The following CSMD1 variants were observed in gnomAD, a reference collection of about 807,000 sequenced individuals.
The protein encoded by CSMD1 is CUB and Sushi multiple domains 1.
A neutral mutation model predicts 417.5 loss-of-function variants in CSMD1; 213 were observed. The observed-to-expected ratio is 0.51, with a 90% CI of 0.46 to 0.57. The LOEUF (loss-of-function observed/expected upper bound fraction) is 0.57, where lower values mean the gene tolerates loss of function less well. Ranked by LOEUF, CSMD1 falls within the 20% of genes least tolerant of loss-of-function variation. The pLI, the probability that CSMD1 is intolerant of heterozygous loss-of-function variation, is 0.00. For synonymous variants in CSMD1, 2,862 were observed against 1,736.8 expected (o/e 1.65, Z -16.11); for missense variants, 6,923 against 4,529.7 (o/e 1.53, Z -15.17).
At chr8:3,904,189 C>G (rs1336580611) in intron 5 of CSMD1, among the ~76,000 whole-genome samples, 2 of 152,092 alleles carry the variant, frequency 1.3e-5, no homozygotes, top group Non-Finnish European at 2.9e-5. Context: ...GGAGAACCGG[C>G]CTGTGTCTCA....
At chr8:4,016,835 C>G (rs1251079698) in intron 4 of CSMD1, among the ~76,000 whole-genome samples, 1 of 152,266 alleles carries the variant, frequency 6.6e-6, no homozygotes, top group African/African-American at 2.4e-5. Context: ...TGTTGGAAGT[C>G]ATGTCTATCA....
At chr8:3,294,370 G>C (rs1412430287) in intron 25 of CSMD1, among the ~76,000 whole-genome samples, 2 of 152,236 alleles carry the variant, frequency 1.3e-5, no homozygotes, top group Non-Finnish European at 1.5e-5. Context: ...GGACATTTAA[G>C]TCTGCAGAGG....
At chr8:2,966,842 C>T (rs957605607) in intron 57 of CSMD1, 96 bp from the exon 58 acceptor site, 6 of 1,122,134 alleles carry the variant, frequency 5.3e-6, no homozygotes, top group East Asian at 2.6e-5. Context: ...CAATAGACTA[C>T]ACATTTATTA....
At chr8:3,801,475 G>A (rs975737468) in intron 5 of CSMD1, among the ~76,000 whole-genome samples, 4 of 152,064 alleles carry the variant, frequency 2.6e-5, no homozygotes, top group Non-Finnish European at 5.9e-5. Flanking sequence ...ATGATAATAG[G>A]CACTGGCAAG....
At chr8:4,021,020 C>G (rs1796762421) in intron 4 of CSMD1, among the ~76,000 whole-genome samples, 2 of 152,034 alleles carry the variant, frequency 1.3e-5, no homozygotes, top group Non-Finnish European at 2.9e-5. Context: ...TTTATTAAAC[C>G]CTACAACGTA....
chr8:4,768,514 G>A (rs971616414), intron 1 of CSMD1, among the ~76,000 whole-genome samples: 2 of 152,182 alleles, frequency 1.3e-5, no homozygotes, highest in South Asian at 2.1e-4. Flanking sequence ...AGTTATTTGG[G>A]ATGAAACTCT....
intron 23 of CSMD1, among the ~76,000 whole-genome samples, chr8:3,332,448 G>A (rs751043630): frequency 1.1e-3 from 162 of 152,330 alleles, no homozygotes; most frequent in Middle Eastern, 6.8e-3. Flanking sequence ...AAGGCCAACC[G>A]GAGCTGCAGT....
chr8:3,108,564 A>G, intron 44 of CSMD1, 39 bp downstream of exon 44: 1 of 1,605,512 alleles, frequency 6.2e-7, no homozygotes. Context: ...CACCACATGG[A>G]ATTCTCAGTC....
intron 37 of CSMD1, among the ~76,000 whole-genome samples, chr8:3,178,376 G>C (rs902506503): frequency 1.3e-5 from 2 of 151,970 alleles, no homozygotes; most frequent in African/African-American, 4.8e-5. Flanking sequence ...TTGATCCTCA[G>C]TATGGACTCA....
intron 3 of CSMD1, among the ~76,000 whole-genome samples, chr8:4,318,713 CAAAAAA>C (rs33979970): frequency 5.9e-4 from 85 of 143,556 alleles, no homozygotes; most frequent in Non-Finnish European, 1.1e-3. Context: ...TTTAAAATCT[CAAAAAA>C]AAAAAAAAGC....
chr8:2,968,140 T>G (rs566466377), intron 57 of CSMD1, among the ~76,000 whole-genome samples: 1 of 152,342 alleles, frequency 6.6e-6, no homozygotes, highest in African/African-American at 2.4e-5. Flanking sequence ...ATAACTATAC[T>G]ATATATCAAA....
At position 3,765,709 on chromosome 8, in the gene CSMD1, G is replaced by C. The variant is rs539708902; in HGVS notation, c.819-11667C>G. Among the ~76,000 whole-genome samples, 75 of 152,346 alleles carry C rather than the reference G, an allele frequency of 4.9e-4. 1 individual carries two copies. The highest frequency in any genetic ancestry group is 1.8e-3 in the African/African-American group (73 of 41,592). On this transcript the variant is annotated intron_variant, in intron 5 of 69. Transcript: ENST00000635120. Reference sequence around the variant, plus strand: ...TCTCATGCCCAGTGGCTTCCCATCAGCACTGCAGCCTTGCAGGTGGGGGCG... The same window carrying C: ...TCTCATGCCCAGTGGCTTCCCATCACCACTGCAGCCTTGCAGGTGGGGGCG...
intron 3 of CSMD1, among the ~76,000 whole-genome samples, chr8:4,401,821 T>C (rs1804664779): frequency 6.6e-6 from 1 of 152,248 alleles, no homozygotes; most frequent in South Asian, 2.1e-4. Flanking sequence ...CTCCGTTCCC[T>C]GGGATTGGCT....
intron 11 of CSMD1, among the ~76,000 whole-genome samples, chr8:3,484,083 G>C (rs550044736): frequency 8.6e-5 from 13 of 152,022 alleles, no homozygotes; most frequent in Admixed American, 4.6e-4. Context: ...TATGTTTATG[G>C]TACTCTCAAA....
At chr8:3,074,351 C>A (rs555557556) in intron 49 of CSMD1, among the ~76,000 whole-genome samples, 1 of 152,184 alleles carries the variant, frequency 6.6e-6, no homozygotes, top group Non-Finnish European at 1.5e-5. Flanking sequence ...TGTGTCTGTG[C>A]CAACAACATA....
At chr8:3,087,833 G>C (rs1045580642) in intron 48 of CSMD1, among the ~76,000 whole-genome samples, 2 of 152,206 alleles carry the variant, frequency 1.3e-5, no homozygotes, top group African/African-American at 4.8e-5. Context: ...AAGCACATCT[G>C]TCACCAGGAT....
intron 3 of CSMD1, among the ~76,000 whole-genome samples, chr8:4,241,716 T>A (rs1014745287): frequency 2.6e-5 from 4 of 152,134 alleles, no homozygotes; most frequent in African/African-American, 7.2e-5. Context: ...TTCTTTTTTT[T>A]TTTTTGAGAC....
chr8:3,279,898 C>G lies in CSMD1; in HGVS notation c.4153+4246G>C, dbSNP rs533797798. 5.3e-5 allele frequency among the ~76,000 whole-genome samples: 8 copies of G among 152,318 alleles called. No individual in the cohort carries two copies. The East Asian group carries it at 1.5e-3, about 29-fold the overall frequency. The stretch of plus-strand genomic sequence containing the variant: ...CCAACCACCTCCACCTGGTCCCACC[C>G]TTGACACATATGGATTATGAGCATT... On this transcript the variant is annotated intron_variant, in intron 26 of 69. Coordinates refer to ENST00000635120, the MANE Select transcript of CSMD1 (RefSeq NM_033225.6).
chr8:4,986,214 T>G (rs945589064), intron 1 of CSMD1, among the ~76,000 whole-genome samples: 3 of 152,120 alleles, frequency 2.0e-5, no homozygotes, highest in Non-Finnish European at 4.4e-5. Flanking sequence ...AAGTGAAAAT[T>G]TACTCAGAGC....
Sources: gnomAD v4.1 joint callset for allele counts (sites outside exome capture counted in the v4.1 genomes callset) on GRCh38, gnomAD v4.1.1 for gene constraint, MANE v1.5 for transcripts, NCBI Gene and HGNC (gene_info 2026-07-23, HGNC 2026-07-21) for gene names.